SGMS1: variants seen among roughly 807,000 people sequenced by gnomAD.
The protein encoded by SGMS1 is sphingomyelin synthase 1.
Under a neutral mutation model 46.2 loss-of-function variants are expected in SGMS1, and 13 were observed. The observed-to-expected ratio is 0.28, with a 90% confidence interval of 0.18 to 0.45. SGMS1 has a LOEUF of 0.45. SGMS1 is among the 20% of genes least tolerant of loss of function. The pLI, the probability that SGMS1 is intolerant of heterozygous loss-of-function variation, is 1.00. For missense variants in SGMS1, 324 were observed against 519.9 expected, an observed-to-expected ratio of 0.62 and a Z score of 3.66; for synonymous variants, 203 against 187.8, an observed-to-expected ratio of 1.08 and a Z score of -0.66.
At chr10:50,472,395 T>G (rs542006066) in intron 3 of SGMS1, among the ~76,000 whole-genome samples, 1 of 152,316 alleles carries the variant, frequency 6.6e-6, no homozygotes, top group Admixed American at 6.5e-5. Context: ...ACCCTCTACT[T>G]CTATGAGTTT....
At chr10:50,311,717 T>C (rs929892516) in intron 8 of SGMS1, among the ~76,000 whole-genome samples, 22 of 152,222 alleles carry the variant, frequency 1.4e-4, no homozygotes, top group African/African-American at 5.3e-4. Context: ...ACAGTACTTC[T>C]ATCTGACTGA....
intron 2 of SGMS1, among the ~76,000 whole-genome samples, chr10:50,575,580 C>T (rs897130857): frequency 8.5e-5 from 13 of 152,080 alleles, no homozygotes; most frequent in Admixed American, 7.9e-4. Context: ...GTATATCTCA[C>T]ATTAAGTGTT....
At chr10:50,404,278 G>A (rs1050943648) in intron 6 of SGMS1, among the ~76,000 whole-genome samples, 2 of 151,836 alleles carry the variant, frequency 1.3e-5, no homozygotes, top group Non-Finnish European at 2.9e-5. Flanking sequence ...ATGGAAGCGT[G>A]GGAAAGACAT....
At chr10:50,348,406 T>C (rs1056574980) in intron 6 of SGMS1, among the ~76,000 whole-genome samples, 4 of 152,160 alleles carry the variant, frequency 2.6e-5, no homozygotes, top group African/African-American at 9.7e-5. Context: ...TGATTGTATA[T>C]TTAGAAAACC....
intron 1 of SGMS1, among the ~76,000 whole-genome samples, chr10:50,621,216 A>AG (rs1838847120): frequency 6.6e-6 from 1 of 152,174 alleles, no homozygotes; most frequent in South Asian, 2.1e-4. Flanking sequence ...GGCTATACTT[A>AG]GGAGTCAGGA....
At chr10:50,545,043 C>A (rs929054151) in intron 2 of SGMS1, among the ~76,000 whole-genome samples, 6 of 152,212 alleles carry the variant, frequency 3.9e-5, no homozygotes, top group African/African-American at 1.4e-4. Flanking sequence ...AAAATGGTAG[C>A]ACGTGTACAA....
intron 7 of SGMS1, among the ~76,000 whole-genome samples, chr10:50,332,217 C>T (rs949303305): frequency 3.9e-5 from 6 of 152,186 alleles, no homozygotes; most frequent in Non-Finnish European, 7.4e-5. Flanking sequence ...AGCCCAATGA[C>T]CTTGGGGCTC....
rs36028635 is a variant in SGMS1 at position 50,416,837 on chromosome 10, T to TAAA, written c.-232+16636_-232+16638dup. Among the ~76,000 whole-genome samples, 547 of 117,052 alleles carry TAAA rather than the reference T, an allele frequency of 4.7e-3. 6 individuals carry two copies. Among genetic ancestry groups the TAAA allele is most frequent in the Middle Eastern group, 8.9e-3 (2 of 224 alleles). The allele number at this position is 117,052 out of a possible 152,430, so 76.8% of individuals were successfully genotyped here. ...TCTAGGGAAGTTTCCTTTATAGAAC[T>TAAA]AAAAAAAAAAAAAAAAAAAAAGCCA... On this transcript the variant is annotated intron_variant, in intron 6 of 10. Transcript: ENST00000361781.
intron 5 of SGMS1, among the ~76,000 whole-genome samples, chr10:50,440,277 T>A (rs12265260): frequency 0.041 from 6,096 of 149,954 alleles, 214 homozygotes; most frequent in African/African-American, 0.094. Flanking sequence ...AATTAAAAAA[T>A]ATATATATAT....
intron 6 of SGMS1, among the ~76,000 whole-genome samples, chr10:50,431,101 A>C (rs1435171896): frequency 6.6e-6 from 1 of 152,190 alleles, no homozygotes; most frequent in Non-Finnish European, 1.5e-5. Flanking sequence ...TTTCTGTATT[A>C]AATTATTATT....
intron 2 of SGMS1, among the ~76,000 whole-genome samples, chr10:50,574,144 A>G (rs1838359538): frequency 6.7e-6 from 1 of 149,026 alleles, no homozygotes; most frequent in South Asian, 2.1e-4. Flanking sequence ...CACCAAAAGC[A>G]CAGGTAAGAA....
rs550992404 is a variant in SGMS1, at chr10:50,592,889, G to A, written c.-683-2642C>T. On this transcript the variant is annotated intron_variant, in intron 1 of 10. Transcript: ENST00000361781. Reference sequence around the variant, plus strand: ...TGAAATATACTATATTTAAAAGTGCGTTTAACTGTGGTAGCCAGCCTCCAA... The same window carrying A: ...TGAAATATACTATATTTAAAAGTGCATTTAACTGTGGTAGCCAGCCTCCAA... 1.1e-3 allele frequency among the ~76,000 whole-genome samples: 127 copies of A among 119,430 alleles called. 1 individual carries two copies. The South Asian group carries it at 0.027, about 26-fold the overall frequency. 78.4% of individuals were successfully genotyped at this position (119,430 alleles called of 152,430 possible).
chr10:50,408,467 C>CT (rs1397887559), intron 6 of SGMS1, among the ~76,000 whole-genome samples: 2 of 135,278 alleles, frequency 1.5e-5, no homozygotes, highest in Non-Finnish European at 3.2e-5. Flanking sequence ...AAAATAAAAA[C>CT]TTTTTTTAAT....
At chr10:50,313,997 TA>T (rs911556254) in intron 8 of SGMS1, among the ~76,000 whole-genome samples, 58 of 151,880 alleles carry the variant, frequency 3.8e-4, no homozygotes, top group Admixed American at 3.6e-3. Flanking sequence ...AAATTATGTT[TA>T]AAAAAAGCAA....
chr10:50,507,001 C>G (rs1837712481), intron 3 of SGMS1, among the ~76,000 whole-genome samples: 1 of 152,198 alleles, frequency 6.6e-6, no homozygotes, highest in Non-Finnish European at 1.5e-5. Flanking sequence ...ACCAAATGCA[C>G]CCAGAATGCT....
At chr10:50,332,669 C>T (rs757904983) in intron 7 of SGMS1, among the ~76,000 whole-genome samples, 4 of 120,286 alleles carry the variant, frequency 3.3e-5, no homozygotes, top group Admixed American at 1.1e-4. Flanking sequence ...GTCATCCAGG[C>T]TGGAGTGCAG....
At chr10:50,535,464 C>G (rs1837992294) in intron 2 of SGMS1, among the ~76,000 whole-genome samples, 2 of 151,868 alleles carry the variant, frequency 1.3e-5, no homozygotes, top group Admixed American at 6.6e-5. Flanking sequence ...CTCCCGGGTT[C>G]AAGCGATTCT....
intron 2 of SGMS1, among the ~76,000 whole-genome samples, chr10:50,535,017 T>A (rs913774083): frequency 2.6e-5 from 4 of 152,158 alleles, no homozygotes; most frequent in Non-Finnish European, 4.4e-5. Flanking sequence ...TTGAATCACC[T>A]GAGGTCAGGA....
At chr10:50,328,079 G>T in intron 7 of SGMS1, 1 of 386,002 alleles carries the variant, frequency 2.6e-6, no homozygotes, top group Admixed American at 3.7e-5. Context: ...TTATTATTAG[G>T]TTCTAACAAA....
Sources: allele counts gnomAD v4.1 joint callset (sites outside exome capture counted in the v4.1 genomes callset), GRCh38; gene constraint gnomAD v4.1.1; transcripts MANE v1.5; gene names NCBI Gene and HGNC (gene_info 2026-07-23, HGNC 2026-07-21).